PIWIL1: variants seen among roughly 807,000 people sequenced by gnomAD.
The protein encoded by PIWIL1 is piwi-like protein 1.
A neutral mutation model predicts 114.4 loss-of-function variants in PIWIL1; 73 were observed. That is an observed-to-expected ratio of 0.64 (90% CI 0.53 to 0.78). The LOEUF (loss-of-function observed/expected upper bound fraction) is 0.78, where lower values mean the gene tolerates loss of function less well. PIWIL1 is among the 30% of genes least tolerant of loss of function. The probability of loss-of-function intolerance (pLI) is 0.00; values close to 1 mark genes in which losing one functional copy is unlikely to be tolerated. For missense variants in PIWIL1, 723 were observed against 1,063.1 expected (o/e 0.68, Z 4.45); for synonymous variants, 375 against 369.0 (o/e 1.02, Z -0.19).
chr12:130,368,090 G>A (rs977554122), intron 19 of PIWIL1, among the ~76,000 whole-genome samples: 2 of 152,120 alleles, frequency 1.3e-5, no homozygotes, highest in Non-Finnish European at 2.9e-5. Flanking sequence ...GAGCCACCAC[G>A]CCCAGCCGAA....
intron 19 of PIWIL1, among the ~76,000 whole-genome samples, chr12:130,369,139 C>T (rs188375980): frequency 6.6e-6 from 1 of 152,272 alleles, no homozygotes; most frequent in East Asian, 1.9e-4. Flanking sequence ...TAAGTGAGAA[C>T]ATGCGGTGTT....
chr12:130,397,369 C>A, the PIWIL1 span: 1 of 398,942 alleles, frequency 2.5e-6, no homozygotes, highest in South Asian at 1.3e-4. Flanking sequence ...AATCATTTCA[C>A]TGCACCCAGC....
At chr12:130,360,879 A>G (rs2073490931) in intron 14 of PIWIL1, among the ~76,000 whole-genome samples, 1 of 152,072 alleles carries the variant, frequency 6.6e-6, no homozygotes, top group South Asian at 2.1e-4. Context: ...TTGTCACTAA[A>G]TTTTTCTGTG....
the PIWIL1 span, chr12:130,424,924 A>C: frequency 8.3e-6 from 8 of 965,226 alleles, no homozygotes; most frequent in Non-Finnish European, 1.1e-5. This position sits in a 1 kb window ranked among gnomAD's most constrained non-coding sequence, Gnocchi z 9.8. Context: ...AGTGGGGGCC[A>C]GGGGAGGAAA....
the PIWIL1 span, among the ~76,000 whole-genome samples, chr12:130,404,805 G>A: frequency 6.6e-6 from 1 of 152,054 alleles, no homozygotes; most frequent in Non-Finnish European, 1.5e-5. Context: ...TTTACAAAAT[G>A]TTCCCTCCCA....
chr12:130,371,859 A>G lies in PIWIL1; in HGVS notation c.*261A>G. The G allele has an allele frequency of 1.2e-5, 3 of 245,814 alleles. No homozygotes were observed. The highest frequency in any genetic ancestry group is 1.4e-4 in the South Asian group (2 of 14,214). The allele number at this position is 245,814 out of a possible 1,614,324, so 15.2% of individuals were successfully genotyped here. A position where few individuals can be genotyped will look rare whatever the true frequency, so the allele number is the denominator to read the frequency against. On this transcript the variant is annotated 3_prime_UTR_variant, in exon 21 of 21. Coordinates refer to ENST00000245255, the MANE Select transcript of PIWIL1 (RefSeq NM_004764.5). ...TTGTTTATTTTGAAGAAATGTGGAT[A>G]AGATACTTGGTAGTATAAAACAGAC...
Position 130,342,586 on chromosome 12 carries a change from A to G in PIWIL1, c.-6A>G. 1 of 1,605,886 alleles carries G rather than the reference A, an allele frequency of 6.2e-7. No individual in the cohort carries two copies. Among genetic ancestry groups the G allele is most frequent in the African/African-American group, 1.3e-5 (1 of 74,914 alleles). ...AAGATTGTTTCCTCTCCAGAAATAG[A>G]AAACAATGACTGGGAGAGCCCGAGC... On this transcript the variant is annotated 5_prime_UTR_variant, in exon 2 of 21. Coordinates refer to ENST00000245255, the MANE Select transcript of PIWIL1 (RefSeq NM_004764.5).
chr12:130,345,007 A>G (rs919690399), intron 3 of PIWIL1, among the ~76,000 whole-genome samples: 5 of 152,236 alleles, frequency 3.3e-5, no homozygotes, highest in Non-Finnish European at 7.3e-5. Flanking sequence ...CTATTAATTG[A>G]CAGCTGGAAT....
chr12:130,340,896 C>T (rs2072901868), intron 1 of PIWIL1, among the ~76,000 whole-genome samples: 1 of 152,074 alleles, frequency 6.6e-6, no homozygotes, highest in African/African-American at 2.4e-5. Flanking sequence ...TTGGAAATTG[C>T]TGATTTAGAG....
At position 130,371,263 on chromosome 12, in the gene PIWIL1, G is replaced by A; in HGVS notation, c.2409G>A (p.Leu803=). ...HYNVIYDNSG[L]KPDHIQRLTY... Reference sequence around the variant, plus strand: ...ATGTCATCTATGACAACAGCGGCCTGAAGCCAGACCACATACAGCGCTTGA... The same window carrying A: ...ATGTCATCTATGACAACAGCGGCCTAAAGCCAGACCACATACAGCGCTTGA... The change falls in exon 20 of 21, where the codon CTG becomes CTA. Residue 803 remains leucine (L), a synonymous_variant. Transcript: ENST00000245255. 2 of 1,614,228 alleles carry A rather than the reference G, an allele frequency of 1.2e-6. No homozygotes were observed. The highest frequency in any genetic ancestry group is 1.7e-6 in the Non-Finnish European group (2 of 1,180,040).
intron 4 of PIWIL1, 78 bp from the exon 5 acceptor site, chr12:130,346,292 T>C: frequency 9.0e-7 from 1 of 1,112,846 alleles, no homozygotes; most frequent in South Asian, 1.4e-5. Context: ...GAACTGTGCC[T>C]GCCTTGTCAT....
chr12:130,424,170 G>A, the PIWIL1 span: 8 of 1,232,028 alleles, frequency 6.5e-6, no homozygotes, highest in Non-Finnish European at 8.1e-6. The surrounding 1 kb of genome is among the most constrained non-coding windows in gnomAD (Gnocchi z 9.8). Context: ...TCTGGGAGGT[G>A]GCTTTGCGTG....
At chr12:130,385,879 G>T in the PIWIL1 span, among the ~76,000 whole-genome samples, 1 of 152,138 alleles carries the variant, frequency 6.6e-6, no homozygotes, top group African/African-American at 2.4e-5. Context: ...CAAAAGTCAT[G>T]CTCTTTTTAC....
chr12:130,350,512 T>C (rs1240429830), intron 9 of PIWIL1, among the ~76,000 whole-genome samples: 3 of 152,214 alleles, frequency 2.0e-5, no homozygotes, highest in African/African-American at 7.2e-5. Context: ...ATGATTCTAG[T>C]TTTGAAAAGA....
chr12:130,356,869 C>T (rs1333643709), intron 12 of PIWIL1, 49 bp from the exon 13 acceptor site: 2 of 1,344,384 alleles, frequency 1.5e-6, no homozygotes, highest in Non-Finnish European at 2.1e-6. Context: ...TTGGCTTGAT[C>T]ACTGAGAACT....
At chr12:130,352,257 A>G (rs2073232437) in intron 9 of PIWIL1, among the ~76,000 whole-genome samples, 2 of 152,258 alleles carry the variant, frequency 1.3e-5, no homozygotes, top group Admixed American at 1.3e-4. Flanking sequence ...TATCTAGGAA[A>G]CAGAGTAGAA....
the PIWIL1 span, chr12:130,398,026 A>C: frequency 6.6e-6 from 1 of 152,654 alleles, no homozygotes; most frequent in Non-Finnish European, 1.5e-5. Flanking sequence ...AATATTGGAG[A>C]TGGCACACTG....
the PIWIL1 span, chr12:130,407,616 T>G: frequency 1.2e-5 from 11 of 890,220 alleles, no homozygotes; most frequent in Non-Finnish European, 1.9e-5. Flanking sequence ...TACGGATGGT[T>G]CGGAGAGAAG....
chr12:130,424,917 G>A, the PIWIL1 span: 13 of 1,032,036 alleles, frequency 1.3e-5, no homozygotes, highest in African/African-American at 1.2e-4. This position sits in a 1 kb window ranked among gnomAD's most constrained non-coding sequence, Gnocchi z 9.8. Flanking sequence ...AGCATGAAGT[G>A]GGGGCCAGGG....
Sources: gnomAD v4.1 joint callset for allele counts (sites outside exome capture counted in the v4.1 genomes callset) on GRCh38, gnomAD v4.1.1 for gene constraint, Gnocchi (gnomAD v3.1) non-coding constraint, MANE v1.5 for transcripts, NCBI Gene and HGNC (gene_info 2026-07-23, HGNC 2026-07-21) for gene names.